The following MS4A12 variants were observed in gnomAD, a reference collection of about 807,000 sequenced individuals.
The protein encoded by MS4A12 is membrane-spanning 4-domains subfamily A member 12.
In MS4A12, 28 loss-of-function variants were observed where a neutral mutation model predicts 23.7. The observed-to-expected ratio is 1.18, with a 90% confidence interval of 0.88 to 1.62. MS4A12 has a LOEUF of 1.62. MS4A12 is among the 40% of genes most tolerant of loss of function. The probability of loss-of-function intolerance (pLI) is 0.00; values close to 1 mark genes in which losing one functional copy is unlikely to be tolerated. For missense variants in MS4A12, 342 were observed against 327.0 expected, an observed-to-expected ratio of 1.05 and a Z score of -0.35; for synonymous variants, 108 against 110.1, an observed-to-expected ratio of 0.98 and a Z score of 0.12.
chr11:60,497,702 A>T, intron 2 of MS4A12, 108 bp downstream of exon 2: 2 of 1,219,524 alleles, frequency 1.6e-6, no homozygotes, highest in Non-Finnish European at 2.3e-6. Flanking sequence ...TTATTCTGAA[A>T]TTATCTCTTT....
chr11:60,493,941 T>A (rs2086468834), intron 1 of MS4A12, among the ~76,000 whole-genome samples: 1 of 152,242 alleles, frequency 6.6e-6, no homozygotes, highest in South Asian at 2.1e-4. Flanking sequence ...TTTTATGTGT[T>A]CCTTGTTCTT....
At position 60,497,548 on chromosome 11, in the gene MS4A12, T is replaced by A. The variant is rs2086498373; in HGVS notation, c.230T>A (p.Val77Glu). The A allele has an allele frequency of 6.2e-7, 1 of 1,613,966 alleles. No homozygotes were observed. The highest frequency in any genetic ancestry group is 1.1e-5 in the South Asian group (1 of 91,080). Reference protein sequence around the residue: ...QGNIQMINPSVGTAVMNFKEE... With the variant: ...QGNIQMINPSEGTAVMNFKEE... ...AATATACAAATGATAAATCCAAGTG[T>A]GGGAACAGCAGTAATGAACTTTAAA... Residue 77 changes from valine to glutamate, a missense_variant, in exon 2 of 7, where the codon GTG becomes GAG. Physicochemically the swap from Val to Glu is moderately radical, Grantham distance 121. Coordinates refer to ENST00000016913, the MANE Select transcript of MS4A12 (RefSeq NM_017716.3).
chr11:60,501,326 A>G, intron 3 of MS4A12, 144 bp downstream of exon 3: 1 of 909,714 alleles, frequency 1.1e-6, no homozygotes, highest in East Asian at 3.0e-5. Context: ...TAGAAAAATT[A>G]ACAGCTCTGA....
chr11:60,502,918 T>C (rs557511256), intron 4 of MS4A12, among the ~76,000 whole-genome samples: 1 of 152,314 alleles, frequency 6.6e-6, no homozygotes, highest in South Asian at 2.1e-4. Context: ...TGTCGAAGCA[T>C]AGATTCCACC....
chr11:60,502,760 C>G (rs536461273), intron 4 of MS4A12, among the ~76,000 whole-genome samples: 1 of 152,290 alleles, frequency 6.6e-6, no homozygotes, highest in African/African-American at 2.4e-5. Context: ...GTAGCTCATG[C>G]TCTTGCAGAC....
chr11:60,497,106 T>C (rs189156833), intron 1 of MS4A12, among the ~76,000 whole-genome samples: 13 of 152,272 alleles, frequency 8.5e-5, no homozygotes, highest in Non-Finnish European at 8.8e-5. Context: ...TGCAGCCAGG[T>C]TTCCAACAGA....
At chr11:60,506,982 T>A in intron 6 of MS4A12, 38 bp from the exon 7 acceptor site, 9 of 1,565,782 alleles carry the variant, frequency 5.7e-6, no homozygotes, top group Non-Finnish European at 7.9e-6. Flanking sequence ...CATAGGATTG[T>A]AGTAACCATA....
rs2086577696 is a variant in MS4A12 at position 60,507,180 on chromosome 11, T to C, written c.*56T>C. 7.4e-7 allele frequency: 1 copy of C among 1,359,386 alleles called. No homozygotes were observed. The highest frequency in any genetic ancestry group is 1.5e-5 in the African/African-American group (1 of 68,950). The allele number at this position is 1,359,386 out of a possible 1,614,324, so 84.2% of individuals were successfully genotyped here. On this transcript the variant is annotated 3_prime_UTR_variant, in exon 7 of 7. Transcript: ENST00000016913. ...ATGGAGAAAAACTACTTGCAAAAAC[T>C]TCTTAAGAAGATGTCTTTTATTGTC... is the stretch of plus-strand genomic sequence containing the variant.
intron 1 of MS4A12, 145 bp from the exon 2 acceptor site, chr11:60,497,168 A>G (rs902065762): frequency 2.8e-5 from 28 of 1,002,158 alleles, no homozygotes; most frequent in African/African-American, 4.9e-5. Flanking sequence ...TATGAGAATC[A>G]TGTTTCTATC....
intron 1 of MS4A12, among the ~76,000 whole-genome samples, chr11:60,496,301 T>C (rs1458857568): frequency 6.6e-6 from 1 of 152,178 alleles, no homozygotes; most frequent in Admixed American, 6.5e-5. Flanking sequence ...AAGAAAATTG[T>C]TGTGCTTTTG....
intron 2 of MS4A12, among the ~76,000 whole-genome samples, chr11:60,500,260 A>C (rs7930320): frequency 8.6e-5 from 13 of 150,778 alleles, no homozygotes; most frequent in South Asian, 2.1e-4. Flanking sequence ...CCAAAAAAAA[A>C]CAAAAAAAAA....
At chr11:60,493,395 A>AT (rs1369755097) in intron 1 of MS4A12, among the ~76,000 whole-genome samples, 14 of 149,202 alleles carry the variant, frequency 9.4e-5, no homozygotes, top group Non-Finnish European at 1.9e-4. Context: ...AAAAAAAAAA[A>AT]GCTAATGCTA....
chr11:60,494,807 A>T (rs974429652), intron 1 of MS4A12, among the ~76,000 whole-genome samples: 3 of 152,198 alleles, frequency 2.0e-5, no homozygotes, highest in Non-Finnish European at 4.4e-5. Context: ...TTAGTGAAGT[A>T]GCAGATTGAA....
Position 60,507,029 on chromosome 11 carries a change from G to A in MS4A12, c.709G>A (p.Val237Ile). The change falls in exon 7 of 7, where the codon GTT becomes ATT. Residue 237 changes from valine to isoleucine, a missense_variant. Val to Ile is a conservative substitution (Grantham distance 29). Coordinates refer to ENST00000016913, the MANE Select transcript of MS4A12 (RefSeq NM_017716.3). ...TATTCATTCTTTCCAGTCTGTCCTG[G>A]TTATTCCAAATATGTATGAAAGCAA... ...ANTTTNMSVL[V>I]IPNMYESNPV... 1.9e-6 allele frequency: 3 copies of A among 1,612,788 alleles called. No homozygotes were observed. Among genetic ancestry groups the A allele is most frequent in the Non-Finnish European group, 2.5e-6 (3 of 1,178,888 alleles).
chr11:60,494,752 G>T (rs2086475187), intron 1 of MS4A12, among the ~76,000 whole-genome samples: 2 of 152,140 alleles, frequency 1.3e-5, no homozygotes, highest in African/African-American at 2.4e-5. Flanking sequence ...TGAGACATAG[G>T]AACTAACAGG....
intron 5 of MS4A12, among the ~76,000 whole-genome samples, chr11:60,505,530 A>C (rs959944209): frequency 1.1e-4 from 17 of 148,810 alleles, no homozygotes; most frequent in Non-Finnish European, 2.2e-4. Flanking sequence ...TCAAAAAAAA[A>C]CAGCTTTCAA....
At chr11:60,500,757 C>A (rs912667770) in intron 2 of MS4A12, among the ~76,000 whole-genome samples, 4 of 152,198 alleles carry the variant, frequency 2.6e-5, no homozygotes, top group Non-Finnish European at 5.9e-5. Context: ...CTCAGAGATG[C>A]TAATGCATGA....
intron 1 of MS4A12, among the ~76,000 whole-genome samples, chr11:60,494,699 A>T (rs4939377): frequency 0.56 from 85,462 of 152,056 alleles, 24,127 homozygotes; most frequent in East Asian, 0.64. Flanking sequence ...GATAATTTGA[A>T]CTTTAGACTA....
intron 4 of MS4A12, 104 bp downstream of exon 4, chr11:60,502,143 CT>C: frequency 8.5e-7 from 1 of 1,175,318 alleles, no homozygotes; most frequent in South Asian, 1.4e-5. Flanking sequence ...AAGGGAGCAC[CT>C]TTCCCAAAAA....
Sources: gnomAD v4.1 joint callset for allele counts (sites outside exome capture counted in the v4.1 genomes callset) on GRCh38, gnomAD v4.1.1 for gene constraint, MANE v1.5 for transcripts, NCBI Gene and HGNC (gene_info 2026-07-23, HGNC 2026-07-21) for gene names.